JSRP1: variants seen among roughly 807,000 people sequenced by gnomAD.
JSRP1 encodes 2310032K21Rik.
A neutral mutation model predicts 21.4 loss-of-function variants in JSRP1; 29 were observed. The ratio of observed to expected loss-of-function variants is 1.36; its 90% CI spans 1.01 to 1.85. The LOEUF (loss-of-function observed/expected upper bound fraction) is 1.85. JSRP1 is among the 40% of genes most tolerant of loss of function. JSRP1 has a pLI of 0.00. For synonymous variants in JSRP1, 221 were observed against 206.1 expected (o/e 1.07, Z -0.62); for missense variants, 531 against 461.5 (o/e 1.15, Z -1.38).
rs1491290287 is a variant in JSRP1, at chr19:2,253,724, G to GGGGGCGGCGGCGGCGGCTGCA, written c.311_331dup (p.Leu104_Pro110dup). The GGGGGCGGCGGCGGCGGCTGCA allele has an allele frequency of 2.7e-6, 4 of 1,489,198 alleles. No homozygotes were observed. Among genetic ancestry groups the GGGGGCGGCGGCGGCGGCTGCA allele is most frequent in the Admixed American group, 4.5e-5 (2 of 44,170 alleles). 92.2% of individuals were successfully genotyped at this position (1,489,198 alleles called of 1,614,324 possible). On this transcript the variant is annotated inframe_insertion, in exon 5 of 7. Transcript: ENST00000300961. ...CCAGGGCAGCTCCTCGCTCAGGGCC[G>GGGGGCGGCGGCGGCGGCTGCA]GGGGCGGCGGCGGCGGCTGCAGGGG...
At chr19:2,254,718 C>T (rs1283464759) in intron 2 of JSRP1, among the ~76,000 whole-genome samples, 3 of 124,844 alleles carry the variant, frequency 2.4e-5, no homozygotes, top group Non-Finnish European at 4.7e-5. Context: ...GAGACCCCAT[C>T]TCTAAAAAAA....
In JSRP1 at chr19:2,253,270, CAGGAGTGCCCCCGGGG is replaced by C. The variant is rs557173368; in HGVS notation, c.437-283_437-268del. 4.6e-3 allele frequency among the ~76,000 whole-genome samples: 696 copies of C among 152,346 alleles called. 2 individuals carry two copies. Among genetic ancestry groups the C allele is most frequent in the Non-Finnish European group, 7.6e-3 (515 of 68,020 alleles). ...GAGGCCCCTAGCAAGGGAGGGGTCG[CAGGAGTGCCCCCGGGG>C]GGCGCTCACGAGCTGAGCGGTCCCC... is the stretch of plus-strand genomic sequence containing the variant. On this transcript the variant is annotated intron_variant, in intron 5 of 6. Coordinates refer to ENST00000300961, the MANE Select transcript of JSRP1 (RefSeq NM_144616.4).
At chr19:2,252,853 CCTT>C in intron 6 of JSRP1, 56 bp downstream of exon 6, 1 of 1,596,360 alleles carries the variant, frequency 6.3e-7, no homozygotes, top group Non-Finnish European at 8.6e-7. Flanking sequence ...GGCCCGGGCT[CCTT>C]CTTTCCTTGG....
At position 2,255,234 on chromosome 19, in the gene JSRP1, C is replaced by A. The variant is rs142175220; in HGVS notation, c.81G>T (p.Leu27=). 2.4e-5 allele frequency: 38 copies of A among 1,608,734 alleles called. No homozygotes were observed. Among genetic ancestry groups the A allele is most frequent in the Non-Finnish European group, 2.5e-5 (30 of 1,176,932 alleles). ...AAGCCCTGTCCTCCTGGGTCTCGGC[C>A]AGCGCAGAGTGGTCCTCCAGGGCCT... is the stretch of plus-strand genomic sequence containing the variant. ...SCQALEDHSA[L]AETQEDRASA... The change falls in exon 2 of 7, where the codon CTG becomes CTT. Residue 27 remains leucine, a synonymous_variant. Transcript: ENST00000300961.
Position 2,254,459 on chromosome 19 carries a change from C to T in JSRP1, c.133G>A (p.Gly45Ser), listed in dbSNP as rs35121757. Reference protein sequence around the residue: ...ASATPRLADSGSVPHDSQVAE... With the variant: ...ASATPRLADSSSVPHDSQVAE... Reference sequence around the variant, plus strand: ...CAGCTACTCACGTGGGGCACGCTGCCGGAGTCGGCCAGCCTGGGTGTCGCT... The same window carrying T: ...CAGCTACTCACGTGGGGCACGCTGCTGGAGTCGGCCAGCCTGGGTGTCGCT... Residue 45 changes from glycine (G) to serine (S), a missense_variant, in exon 3 of 7, where the codon GGC becomes AGC. Physicochemically the swap from Gly to Ser is moderately conservative, Grantham distance 56 (BLOSUM62 0). Transcript: ENST00000300961. 0.053 allele frequency: 85,391 copies of T among 1,612,778 alleles called. 2,523 individuals are homozygous for T. The highest frequency in any genetic ancestry group is 0.056 in the Non-Finnish European group (66,314 of 1,179,926).
At chr19:2,254,520 C>T (rs1394952366) in intron 2 of JSRP1, 38 bp from the exon 3 acceptor site, 1 of 1,610,674 alleles carries the variant, frequency 6.2e-7, no homozygotes, top group Non-Finnish European at 8.5e-7. Context: ...TGTGGGGACC[C>T]CCAGGCCAAT....
Position 2,252,418 on chromosome 19 carries a change from T to G in JSRP1, c.907A>C (p.Lys303Gln). ...CGCCTCGGGGACACCCAGGCCTGCT[T>G]CTTCCTGGGCTCGGCGTCCCTGGAG... is the stretch of plus-strand genomic sequence containing the variant. ...RDSRDAEPRK[K>Q]QAWVSPRRPD... The change falls in exon 7 of 7, where the codon AAG (lysine) becomes CAG (glutamine). Residue 303 changes from lysine to glutamine, a missense_variant. Transcript: ENST00000300961. 1 of 1,608,820 alleles carries G rather than the reference T, an allele frequency of 6.2e-7. No individual in the cohort carries two copies. The highest frequency in any genetic ancestry group is 8.5e-7 in the Non-Finnish European group (1 of 1,179,190).
At position 2,253,623 on chromosome 19, in the gene JSRP1, G is replaced by C; in HGVS notation, c.433C>G (p.Arg145Gly). 1.3e-6 allele frequency: 2 copies of C among 1,486,544 alleles called. No individual in the cohort carries two copies. Among genetic ancestry groups the C allele is most frequent in the Non-Finnish European group, 1.8e-6 (2 of 1,125,840 alleles). The allele number at this position is 1,486,544 out of a possible 1,614,324, so 92.1% of individuals were successfully genotyped here. A position where few individuals can be genotyped will look rare whatever the true frequency, so the allele number is the denominator to read the frequency against. The change falls in exon 5 of 7, where the codon CGC (arginine) becomes GGC (glycine). Residue 145 changes from arginine to glycine, a missense_variant. Physicochemically the swap from Arg to Gly is moderately radical, Grantham distance 125 (BLOSUM62 -2). Transcript: ENST00000300961. ...ALLGSAFQLC[R>G]DAVPGEAALQ... ...CCTCTGGGGAGCCTGCGCTCACCGCGGCACAGCTGGAAAGCCGAGCCCAGC... is the reference window on the plus strand; with the variant it reads ...CCTCTGGGGAGCCTGCGCTCACCGCCGCACAGCTGGAAAGCCGAGCCCAGC...
In JSRP1 at chr19:2,252,322, G is replaced by A. The variant is rs2025065833; in HGVS notation, c.*7C>T. On this transcript the variant is annotated 3_prime_UTR_variant, in exon 7 of 7. Transcript: ENST00000300961. ...AAGGGGCCCCTGGACTCCGGCGCGG[G>A]GCCGGCTCAGTCCCGCCCCTTGCCT... is the stretch of plus-strand genomic sequence containing the variant. The A allele has an allele frequency of 1.4e-6, 2 of 1,457,822 alleles. No individual in the cohort carries two copies. Among genetic ancestry groups the A allele is most frequent in the African/African-American group, 1.4e-5 (1 of 69,960 alleles). 90.3% of individuals were successfully genotyped at this position (1,457,822 alleles called of 1,614,324 possible).
At chr19:2,253,848 C>G in intron 4 of JSRP1, 55 bp from the exon 5 acceptor site, 1 of 1,338,804 alleles carries the variant, frequency 7.5e-7, no homozygotes, top group Non-Finnish European at 9.5e-7. Flanking sequence ...CCGCCCCCTT[C>G]CCCGGGCGCA....
rs751591773 is a variant in JSRP1 at position 2,254,175 on chromosome 19, C to T, written c.262+12G>A. 67 of 1,591,978 alleles carry T rather than the reference C, an allele frequency of 4.2e-5. No individual in the cohort carries two copies. The highest frequency in any genetic ancestry group is 5.2e-5 in the Non-Finnish European group (61 of 1,168,854). Reference sequence around the variant, plus strand: ...CCACCCCACACCTCACCCATGCCTCCTGCAAACCCACTCGCTCCGGCTTTC... The same window carrying T: ...CCACCCCACACCTCACCCATGCCTCTTGCAAACCCACTCGCTCCGGCTTTC... On this transcript the variant is annotated intron_variant, in intron 4 of 6. Transcript: ENST00000300961.
At position 2,252,619 on chromosome 19, in the gene JSRP1, T is replaced by G; in HGVS notation, c.706A>C (p.Lys236Gln). 6.2e-7 allele frequency: 1 copy of G among 1,612,582 alleles called. No individual in the cohort carries two copies. The highest frequency in any genetic ancestry group is 8.5e-7 in the Non-Finnish European group (1 of 1,179,892). ...TTCCCCTCTCTCCGAGGCCTCTCCT[T>G]GGGTCCCCGGTCTGCGAGGGTCACA... ...DRVTLADRGP[K>Q]ERPRREGKPR... Residue 236 changes from lysine to glutamine, a missense_variant, in exon 7 of 7, where the codon AAG (lysine) becomes CAG (glutamine). By Grantham distance (53) the Lys-to-Gln change is moderately conservative. Coordinates refer to ENST00000300961, the MANE Select transcript of JSRP1 (RefSeq NM_144616.4).
rs1158486030 is a variant in JSRP1 at position 2,252,394 on chromosome 19, G to T, written c.931C>A (p.Arg311Ser). 1.3e-6 allele frequency: 2 copies of T among 1,596,742 alleles called. No individual in the cohort carries two copies. The highest frequency in any genetic ancestry group is 1.1e-5 in the South Asian group (1 of 89,862). ...RKKQAWVSPRRPDEEQRPGSR... is the reference protein window; with the variant it reads ...RKKQAWVSPRSPDEEQRPGSR... ...CCAGGCCGCTGCTCCTCGTCGGGAC[G>T]CCTCGGGGACACCCAGGCCTGCTTC... The change falls in exon 7 of 7, where the codon CGT (arginine) becomes AGT (serine). Residue 311 changes from arginine (R) to serine (S), a missense_variant. Coordinates refer to ENST00000300961, the MANE Select transcript of JSRP1 (RefSeq NM_144616.4).
chr19:2,254,566 G>A (rs1013376336), intron 2 of JSRP1, 84 bp from the exon 3 acceptor site: 9 of 1,475,236 alleles, frequency 6.1e-6, no homozygotes, highest in Admixed American at 1.7e-5. Flanking sequence ...GGTGACGTGC[G>A]GGTGACTAAC....
intron 2 of JSRP1, among the ~76,000 whole-genome samples, chr19:2,254,927 A>G (rs1289814881): frequency 5.3e-5 from 8 of 151,940 alleles, no homozygotes; most frequent in Non-Finnish European, 4.4e-5. Context: ...AAATATAAAG[A>G]AAGCAGACAG....
chr19:2,252,309 G>T lies in JSRP1; in HGVS notation c.*20C>A. The T allele has an allele frequency of 4.1e-6, 6 of 1,445,956 alleles. No homozygotes were observed. In the South Asian group the frequency reaches 8.7e-5, roughly 21 times the overall value. The allele number at this position is 1,445,956 out of a possible 1,614,324, so 89.6% of individuals were successfully genotyped here. On this transcript the variant is annotated 3_prime_UTR_variant, in exon 7 of 7. Coordinates refer to ENST00000300961, the MANE Select transcript of JSRP1 (RefSeq NM_144616.4). ...GCGGGGCGTCCAGAAGGGGCCCCTG[G>T]ACTCCGGCGCGGGGCCGGCTCAGTC...
chr19:2,252,987 C>T lies in JSRP1; in HGVS notation c.453G>A (p.Glu151=), dbSNP rs1158613358. ...FQLCRDAVPG[E]AALQARVPEP... ...CGGGCACACGTGCTTGGAGTGCTGC[C>T]TCCCCAGGGACGGCGTCTGCAGCGA... Residue 151 remains glutamate, a synonymous_variant, in exon 6 of 7, where the codon GAG becomes GAA. Coordinates refer to ENST00000300961, the MANE Select transcript of JSRP1 (RefSeq NM_144616.4). 3 of 1,605,368 alleles carry T rather than the reference C, an allele frequency of 1.9e-6. No homozygotes were observed. The highest frequency in any genetic ancestry group is 2.5e-6 in the Non-Finnish European group (3 of 1,176,480).
chr19:2,253,521 C>T, intron 5 of JSRP1, 99 bp downstream of exon 5: 2 of 1,225,220 alleles, frequency 1.6e-6, no homozygotes, highest in South Asian at 1.9e-5. Flanking sequence ...GGAGAGGAGG[C>T]TCCCAGACCC....
At chr19:2,254,029 A>C (rs141883386) in intron 4 of JSRP1, among the ~76,000 whole-genome samples, 158 bp downstream of exon 4, 77 of 152,282 alleles carry the variant, frequency 5.1e-4, no homozygotes, top group Middle Eastern at 3.4e-3. Flanking sequence ...ATTACGCATT[A>C]GTAGAGGCTC....
Sources: gnomAD v4.1 joint callset for allele counts (sites outside exome capture counted in the v4.1 genomes callset) on GRCh38, gnomAD v4.1.1 for gene constraint, MANE v1.5 for transcripts, NCBI Gene and HGNC (gene_info 2026-07-23, HGNC 2026-07-21) for gene names.